Variants in RAB4B observed in about 807,000 individuals in gnomAD.
RAB4B encodes the protein RAB4B, member RAS oncogene family, also known as ras-related protein Rab-4B.
In RAB4B, 15 loss-of-function variants were observed where a neutral mutation model predicts 28.3. The ratio of observed to expected loss-of-function variants is 0.53; its 90% CI spans 0.35 to 0.82. The LOEUF (loss-of-function observed/expected upper bound fraction) is 0.82. Among genes scored for constraint, RAB4B ranks in the 40% least tolerant of loss-of-function variants. RAB4B has a pLI of 0.01. For synonymous variants in RAB4B, 108 were observed against 116.3 expected, an observed-to-expected ratio of 0.93 and a Z score of 0.46; for missense variants, 244 against 288.5, an observed-to-expected ratio of 0.85 and a Z score of 1.12.
At chr19:40,795,065 A>G (rs1374732325) in intron 7 of RAB4B, among the ~76,000 whole-genome samples, 1 of 148,072 alleles carries the variant, frequency 6.8e-6, no homozygotes. Context: ...GCTACTCAGG[A>G]GGCTGAGGCA....
In RAB4B at chr19:40,780,138, GTT is replaced by G. The variant is rs570921695; in HGVS notation, c.97+41_97+42del. The G allele has an allele frequency of 1.3e-4, 206 of 1,609,800 alleles. No homozygotes were observed. The African/African-American group carries it at 2.6e-3, about 20-fold the overall frequency. ...AGTGGTCCTGGGAACCCTGAGCTGTGTTTATGCGCATGGTGTGGGCTGGTGGG... is the reference window on the plus strand; with the variant it reads ...AGTGGTCCTGGGAACCCTGAGCTGTGTATGCGCATGGTGTGGGCTGGTGGG... On this transcript the variant is annotated intron_variant, in intron 2 of 7. Transcript: ENST00000357052.
intron 7 of RAB4B, among the ~76,000 whole-genome samples, chr19:40,788,926 C>T (rs948365454): frequency 1.3e-5 from 2 of 151,388 alleles, no homozygotes; most frequent in East Asian, 1.9e-4. Flanking sequence ...GAACTACAGG[C>T]GCCCGCCACC....
chr19:40,786,546 T>A (rs749837109), intron 5 of RAB4B, 119 bp from the exon 6 acceptor site: 1 of 1,469,916 alleles, frequency 6.8e-7, no homozygotes, highest in Non-Finnish European at 9.2e-7. Flanking sequence ...CGCAGAGGCC[T>A]GAGGTGAGGG....
At position 40,786,829 on chromosome 19, in the gene RAB4B, C is replaced by T. The variant is rs1599744723; in HGVS notation, c.527-19C>T. On this transcript the variant is annotated intron_variant, in intron 6 of 7. Coordinates refer to ENST00000357052, the MANE Select transcript of RAB4B (RefSeq NM_016154.5). ...GGGGTCTCCAGGCAACCAATGCTGACCTCTCCCCTTCCCCACAGGCGAGCT... is the reference window on the plus strand; with the variant it reads ...GGGGTCTCCAGGCAACCAATGCTGATCTCTCCCCTTCCCCACAGGCGAGCT... The T allele has an allele frequency of 6.2e-7, 1 of 1,614,116 alleles. No individual in the cohort carries two copies. The highest frequency in any genetic ancestry group is 8.5e-7 in the Non-Finnish European group (1 of 1,179,982).
intron 7 of RAB4B, among the ~76,000 whole-genome samples, chr19:40,790,354 CTTT>C (rs577816237): frequency 4.2e-5 from 6 of 141,770 alleles, no homozygotes; most frequent in African/African-American, 1.3e-4. Flanking sequence ...TGGCCTCTCT[CTTT>C]TTTTTTTTTT....
intron 7 of RAB4B, among the ~76,000 whole-genome samples, chr19:40,790,942 G>A (rs555464210): frequency 2.0e-5 from 3 of 149,568 alleles, no homozygotes; most frequent in Admixed American, 6.8e-5. Flanking sequence ...TGCAACCTCC[G>A]CCTCCTGGGT....
At position 40,786,949 on chromosome 19, in the gene RAB4B, C is replaced by G. The variant is rs1568493616; in HGVS notation, c.628C>G (p.Pro210Ala). 1 of 1,613,902 alleles carries G rather than the reference C, an allele frequency of 6.2e-7. No homozygotes were observed. The change falls in exon 7 of 8, where the codon CCG (proline) becomes GCG (alanine). Residue 210 changes from proline to alanine, a missense_variant. Physicochemically the swap from Pro to Ala is conservative, Grantham distance 27. Coordinates refer to ENST00000357052, the MANE Select transcript of RAB4B (RefSeq NM_016154.5). Reference sequence around the variant, plus strand: ...GAGTGCCCAGGCCGTGGCCCCTCAGCCGTGTGGCTGCTGAGCTCTGTGGAG... The same window carrying G: ...GAGTGCCCAGGCCGTGGCCCCTCAGGCGTGTGGCTGCTGAGCTCTGTGGAG... ...PRSAQAVAPQ[P>A]CGC is the part of the protein sequence containing the mutation.
At position 40,783,937 on chromosome 19, in the gene RAB4B, T is replaced by G. The variant is rs950991451; in HGVS notation, c.292T>G (p.Ser98Ala). 1.2e-6 allele frequency: 2 copies of G among 1,611,724 alleles called. No homozygotes were observed. Among genetic ancestry groups the G allele is most frequent in the Admixed American group, 3.3e-5 (2 of 59,916 alleles). ...TCTCCACAGCCGGGAGACATACAAC[T>G]CACTGGCTGCCTGGCTGACGGATGC... is the stretch of plus-strand genomic sequence containing the variant. ...YDITSRETYN[S>A]LAAWLTDART... The change falls in exon 5 of 8, where the codon TCA (serine) becomes GCA (alanine). Residue 98 changes from serine (S) to alanine (A), a missense_variant. By Grantham distance (99) the Ser-to-Ala change is moderately conservative. Transcript: ENST00000357052.
At chr19:40,779,860 G>T in intron 1 of RAB4B, 159 bp from the exon 2 acceptor site, 10 of 1,492,628 alleles carry the variant, frequency 6.7e-6, no homozygotes, top group Non-Finnish European at 8.9e-6. Context: ...CTACATAAGA[G>T]TTATCTGTTA....
intron 1 of RAB4B, 26 bp downstream of exon 1, chr19:40,778,417 T>C: frequency 6.9e-7 from 1 of 1,447,318 alleles, no homozygotes; most frequent in Non-Finnish European, 9.1e-7. Flanking sequence ...GAAGCTGGGG[T>C]CCTGGGTCTG....
chr19:40,788,189 CAG>C, intron 7 of RAB4B, among the ~76,000 whole-genome samples: 1 of 151,866 alleles, frequency 6.6e-6, no homozygotes, highest in East Asian at 1.9e-4. Flanking sequence ...TTGGGGGAGA[CAG>C]GTGATAAACA....
chr19:40,780,065 A>G lies in RAB4B; in HGVS notation c.63A>G (p.Lys21=). ...TGATTGGCAGTGCAGGAACTGGCAA[A>G]TCATGTCTCCTTCATCAGTTCATTG... ...FLVIGSAGTG[K]SCLLHQFIEN... The change falls in exon 2 of 8, where the codon AAA becomes AAG. Residue 21 remains lysine, a synonymous_variant. Coordinates refer to ENST00000357052, the MANE Select transcript of RAB4B (RefSeq NM_016154.5). 3 of 1,611,772 alleles carry G rather than the reference A, an allele frequency of 1.9e-6. No individual in the cohort carries two copies. The highest frequency in any genetic ancestry group is 2.5e-6 in the Non-Finnish European group (3 of 1,177,926).
At chr19:40,785,199 C>T (rs1056456653) in intron 5 of RAB4B, among the ~76,000 whole-genome samples, 2 of 151,876 alleles carry the variant, frequency 1.3e-5, no homozygotes, top group African/African-American at 4.8e-5. Flanking sequence ...AGCATACTGA[C>T]AACCCACACC....
chr19:40,781,978 G>A (rs2083052789), intron 3 of RAB4B, among the ~76,000 whole-genome samples: 1 of 141,114 alleles, frequency 7.1e-6, no homozygotes, highest in Non-Finnish European at 1.5e-5. Flanking sequence ...CCCAGATCGC[G>A]CCACTGCACT....
chr19:40,782,777 C>T (rs933591884), intron 3 of RAB4B, among the ~76,000 whole-genome samples: 4 of 151,416 alleles, frequency 2.6e-5, no homozygotes, highest in African/African-American at 9.7e-5. Flanking sequence ...CACGCCACTG[C>T]ACTTCAGCCT....
Position 40,778,288 on chromosome 19 carries a change from G to A in RAB4B, c.-88G>A. 1 of 1,332,458 alleles carries A rather than the reference G, an allele frequency of 7.5e-7. No homozygotes were observed. Among genetic ancestry groups the A allele is most frequent in the South Asian group, 1.3e-5 (1 of 75,350 alleles). 82.5% of individuals were successfully genotyped at this position (1,332,458 alleles called of 1,614,324 possible). On this transcript the variant is annotated 5_prime_UTR_variant, in exon 1 of 8. Coordinates refer to ENST00000357052, the MANE Select transcript of RAB4B (RefSeq NM_016154.5). ...GGCCCGGGGAGTAGGAAGGAGCCGG[G>A]GCTGTAGCCGGAGTGGAGCGGCTGC...
At chr19:40,783,228 T>G (rs2083067366) in intron 3 of RAB4B, among the ~76,000 whole-genome samples, 1 of 150,062 alleles carries the variant, frequency 6.7e-6, no homozygotes, top group African/African-American at 2.5e-5. Context: ...GCCCAGGAGT[T>G]GGAGACCAGC....
chr19:40,788,481 TAAAAAAAAAA>T (rs751428239), intron 7 of RAB4B, among the ~76,000 whole-genome samples: 1 of 67,106 alleles, frequency 1.5e-5, no homozygotes, highest in South Asian at 3.7e-4. Flanking sequence ...GCGAGACTCT[TAAAAAAAAAA>T]AAAAAAAAAA....
Position 40,787,599 on chromosome 19 carries a change from C to A in RAB4B, c.*15+621C>A, listed in dbSNP as rs564343955. Among the ~76,000 whole-genome samples the A allele has an allele frequency of 1.1e-4, 15 of 140,774 alleles. No homozygotes were observed. The East Asian group carries it at 3.1e-3, about 29-fold the overall frequency. The allele number at this position is 140,774 out of a possible 152,430, so 92.4% of individuals were successfully genotyped here. On this transcript the variant is annotated intron_variant, in intron 7 of 7. Coordinates refer to ENST00000357052, the MANE Select transcript of RAB4B (RefSeq NM_016154.5). The stretch of plus-strand genomic sequence containing the variant: ...AGGCACTGGGGGAGAGGGGTCAGAG[C>A]CAGCAGGGGAGAGGCCCAGGGGGGT...
Sources: gnomAD v4.1 joint callset for allele counts (sites outside exome capture counted in the v4.1 genomes callset) on GRCh38, gnomAD v4.1.1 for gene constraint, MANE v1.5 for transcripts, NCBI Gene and HGNC (gene_info 2026-07-23, HGNC 2026-07-21) for gene names.